The following MAGI1 variants were observed in gnomAD, a reference collection of about 807,000 sequenced individuals.
The protein encoded by MAGI1 is membrane associated guanylate kinase, WW and PDZ domain containing 1, also known as membrane-associated guanylate kinase, WW and PDZ domain-containing protein 1.
MAGI1 carries 58 observed loss-of-function variants against 139.9 expected under a neutral mutation model. The observed-to-expected ratio is 0.41, with a 90% CI of 0.34 to 0.52. The LOEUF (loss-of-function observed/expected upper bound fraction) is 0.52. Among genes scored for constraint, MAGI1 ranks in the 20% least tolerant of loss-of-function variants. MAGI1 has a pLI of 0.12. For missense variants in MAGI1, 1,874 were observed against 1,901.6 expected (o/e 0.99, Z 0.27); for synonymous variants, 812 against 737.9 (o/e 1.10, Z -1.63).
chr3:65,695,705 T>C (rs1259632855), intron 1 of MAGI1, among the ~76,000 whole-genome samples: 2 of 152,146 alleles, frequency 1.3e-5, no homozygotes, highest in East Asian at 1.9e-4. Flanking sequence ...AGCCATTTGA[T>C]ATTTGAATTG....
At chr3:65,441,278 A>G (rs1319998034) in intron 8 of MAGI1, among the ~76,000 whole-genome samples, 1 of 152,176 alleles carries the variant, frequency 6.6e-6, no homozygotes, top group Non-Finnish European at 1.5e-5. Context: ...TCTTAATTCA[A>G]AATAATAGTT....
At chr3:65,360,669 G>C in intron 22 of MAGI1, 1 of 986,950 alleles carries the variant, frequency 1.0e-6, no homozygotes, top group South Asian at 4.7e-5. Flanking sequence ...GTCTGATTTG[G>C]GGTAAGACAC....
chr3:65,400,253 C>A (rs959567201), intron 13 of MAGI1, among the ~76,000 whole-genome samples: 1 of 152,174 alleles, frequency 6.6e-6, no homozygotes, highest in Non-Finnish European at 1.5e-5. Context: ...AAGTTCCAAT[C>A]ACCACGGCAC....
chr3:65,389,129 C>T (rs1041140762), intron 14 of MAGI1, among the ~76,000 whole-genome samples: 1 of 152,056 alleles, frequency 6.6e-6, no homozygotes, highest in Non-Finnish European at 1.5e-5. Flanking sequence ...ATGACTGAGC[C>T]GTGGCGCCTG....
chr3:65,727,953 G>A (rs1448172245), intron 1 of MAGI1, among the ~76,000 whole-genome samples: 1 of 152,172 alleles, frequency 6.6e-6, no homozygotes, highest in African/African-American at 2.4e-5. Context: ...TTGGGTGGGA[G>A]TACTATTTGA....
chr3:66,035,752 C>T (rs2068882255), intron 1 of MAGI1, among the ~76,000 whole-genome samples: 1 of 152,150 alleles, frequency 6.6e-6, no homozygotes, highest in Admixed American at 6.5e-5. Context: ...CTGCTGTGAA[C>T]AATCTGTGCA....
intron 1 of MAGI1, among the ~76,000 whole-genome samples, chr3:65,734,505 G>GAGAGAGAAAGAGAGAAAGAA (rs2034520011): frequency 7.1e-6 from 1 of 140,398 alleles, no homozygotes; most frequent in African/African-American, 2.8e-5. Context: ...GAAAGAGGAA[G>GAGAGAGAAAGAGAGAAAGAA]AGAGAGAAAG....
chr3:65,477,008 T>A (rs763043044), intron 4 of MAGI1, among the ~76,000 whole-genome samples: 17 of 152,146 alleles, frequency 1.1e-4, no homozygotes, highest in Non-Finnish European at 2.1e-4. Flanking sequence ...TTCATACAGC[T>A]AAAAGGGGAA....
rs75839451 is a variant in MAGI1 at position 65,796,707 on chromosome 3, G to T, written c.314-174619C>A. Among the ~76,000 whole-genome samples the T allele has an allele frequency of 8.5e-3, 1,298 of 152,160 alleles. 14 individuals carry two copies. The highest frequency in any genetic ancestry group is 0.013 in the Non-Finnish European group (876 of 68,012). ...GCTATTCCTAATGCTCTAACCAAGG[G>T]GTCGGCATATTTCAACTATAATAAG... is the stretch of plus-strand genomic sequence containing the variant. On this transcript the variant is annotated intron_variant, in intron 1 of 22. Transcript: ENST00000402939.
chr3:65,845,323 C>G (rs546351292), intron 1 of MAGI1, among the ~76,000 whole-genome samples: 5 of 152,028 alleles, frequency 3.3e-5, no homozygotes, highest in African/African-American at 1.2e-4. Context: ...CATAGAGTGT[C>G]GTGGTTAACA....
chr3:65,576,538 G>A (rs560698701), intron 2 of MAGI1, among the ~76,000 whole-genome samples: 1 of 152,140 alleles, frequency 6.6e-6, no homozygotes, highest in Non-Finnish European at 1.5e-5. Context: ...GACTGAAGTA[G>A]GCAAATACGT....
At chr3:66,002,673 C>T (rs565359598) in intron 1 of MAGI1, among the ~76,000 whole-genome samples, 3 of 152,148 alleles carry the variant, frequency 2.0e-5, no homozygotes, top group Non-Finnish European at 2.9e-5. Flanking sequence ...CGCCACCACA[C>T]GCAGCTAATT....
chr3:65,684,220 AACTGTAC>A (rs974003827), intron 1 of MAGI1, among the ~76,000 whole-genome samples: 1 of 151,228 alleles, frequency 6.6e-6, no homozygotes, highest in Non-Finnish European at 1.5e-5. Context: ...TTCAACCTGC[AACTGTAC>A]TCTTGGACAT....
At chr3:65,478,512 T>A in intron 4 of MAGI1, 80 bp downstream of exon 4, 1 of 1,373,194 alleles carries the variant, frequency 7.3e-7, no homozygotes, top group South Asian at 1.2e-5. Context: ...GAGAACAGCA[T>A]CCTTTTCAAA....
chr3:65,839,335 C>T (rs1006467892), intron 1 of MAGI1, among the ~76,000 whole-genome samples: 8 of 151,972 alleles, frequency 5.3e-5, no homozygotes, highest in East Asian at 1.9e-4. Context: ...CTGATAATTA[C>T]GATAAATGTT....
At chr3:65,810,314 C>CTCCCT in intron 1 of MAGI1, among the ~76,000 whole-genome samples, 1 of 152,206 alleles carries the variant, frequency 6.6e-6, no homozygotes. Flanking sequence ...AGCAGAAGGC[C>CTCCCT]TCTCTCTTTT....
At chr3:65,577,288 A>G (rs1187172677) in intron 2 of MAGI1, among the ~76,000 whole-genome samples, 1 of 152,206 alleles carries the variant, frequency 6.6e-6, no homozygotes, top group East Asian at 1.9e-4. Flanking sequence ...TATTTCATGC[A>G]ATATTTTTTA....
chr3:65,910,530 G>C (rs2061613786), intron 1 of MAGI1, among the ~76,000 whole-genome samples: 1 of 152,126 alleles, frequency 6.6e-6, no homozygotes, highest in South Asian at 2.1e-4. Context: ...TGGTTGTTGG[G>C]GCAGCACCAT....
At chr3:65,678,965 T>G (rs1396200294) in intron 1 of MAGI1, among the ~76,000 whole-genome samples, 1 of 152,192 alleles carries the variant, frequency 6.6e-6, no homozygotes, top group Non-Finnish European at 1.5e-5. Context: ...ATCTTCCAAC[T>G]TGAATAATGG....
Sources: gnomAD v4.1 joint callset for allele counts (sites outside exome capture counted in the v4.1 genomes callset) on GRCh38, gnomAD v4.1.1 for gene constraint, MANE v1.5 for transcripts, NCBI Gene and HGNC (gene_info 2026-07-23, HGNC 2026-07-21) for gene names.